FBXO36: variants seen among roughly 807,000 people sequenced by gnomAD.
FBXO36 encodes the protein F-box protein 36, also known as F-box only protein 36.
Under a neutral mutation model 17.0 loss-of-function variants are expected in FBXO36, and 18 were observed. The ratio of observed to expected loss-of-function variants is 1.06; its 90% CI spans 0.73 to 1.57. FBXO36 has a LOEUF of 1.57. FBXO36 is among the 40% of genes most tolerant of loss of function. FBXO36 has a pLI of 0.00. For synonymous variants in FBXO36, 83 were observed against 85.3 expected, an observed-to-expected ratio of 0.97 and a Z score of 0.15; for missense variants, 229 against 221.9, an observed-to-expected ratio of 1.03 and a Z score of -0.20.
chr2:229,973,576 C>G (rs1338417317), intron 1 of FBXO36, among the ~76,000 whole-genome samples: 1 of 151,850 alleles, frequency 6.6e-6, no homozygotes, highest in Non-Finnish European at 1.5e-5. Flanking sequence ...CAAAAATTAG[C>G]CAGGTGCCGT....
intron 2 of FBXO36, among the ~76,000 whole-genome samples, chr2:229,987,627 T>C (rs1321291448): frequency 1.3e-5 from 2 of 152,068 alleles, no homozygotes; most frequent in African/African-American, 2.4e-5. Flanking sequence ...TATTTATTCA[T>C]TTTATTTTAT....
chr2:229,927,349 G>A (rs369797110), intron 1 of FBXO36, among the ~76,000 whole-genome samples: 1 of 152,118 alleles, frequency 6.6e-6, no homozygotes, highest in East Asian at 1.9e-4. Context: ...AATGAGTGCA[G>A]GTGTTTTAAA....
chr2:229,994,266 C>T (rs11688601), intron 2 of FBXO36, among the ~76,000 whole-genome samples: 1 of 152,058 alleles, frequency 6.6e-6, no homozygotes, highest in Non-Finnish European at 1.5e-5. Flanking sequence ...CTCTTTAATG[C>T]TGAGTTTTTG....
intron 1 of FBXO36, among the ~76,000 whole-genome samples, chr2:229,924,187 G>A (rs964221491): frequency 6.6e-6 from 1 of 152,110 alleles, no homozygotes; most frequent in Non-Finnish European, 1.5e-5. Context: ...GCATCTCCTG[G>A]GTTCAAGCGA....
intron 1 of FBXO36, among the ~76,000 whole-genome samples, chr2:229,950,422 T>G (rs2077051539): frequency 8.6e-5 from 13 of 151,902 alleles, no homozygotes; most frequent in Admixed American, 8.5e-4. Flanking sequence ...CAAGACTCCA[T>G]CTCAAAAATA....
At chr2:229,965,203 TC>T (rs1198499379) in intron 1 of FBXO36, among the ~76,000 whole-genome samples, 1 of 147,882 alleles carries the variant, frequency 6.8e-6, no homozygotes, top group Non-Finnish European at 1.5e-5. Context: ...CAGGCTCGTC[TC>T]AAACACCTGG....
chr2:229,987,319 A>AG (rs1024213910), intron 2 of FBXO36, among the ~76,000 whole-genome samples: 62 of 151,414 alleles, frequency 4.1e-4, no homozygotes, highest in African/African-American at 1.4e-3. Flanking sequence ...TTTTGTTGTA[A>AG]TCTGTTCATA....
chr2:229,952,751 G>T (rs2077063710), intron 1 of FBXO36, among the ~76,000 whole-genome samples: 1 of 152,176 alleles, frequency 6.6e-6, no homozygotes, highest in Admixed American at 6.6e-5. Context: ...CACCAGTGGG[G>T]CAGTGTTGCC....
intron 1 of FBXO36, among the ~76,000 whole-genome samples, chr2:229,967,366 T>C (rs2077158824): frequency 6.6e-6 from 1 of 152,242 alleles, no homozygotes; most frequent in Admixed American, 6.5e-5. Context: ...GAATACACTT[T>C]ATTTCTTTCC....
chr2:229,951,599 T>C (rs1363667176), intron 1 of FBXO36, among the ~76,000 whole-genome samples: 2 of 152,222 alleles, frequency 1.3e-5, no homozygotes, highest in Non-Finnish European at 1.5e-5. Flanking sequence ...TGATGCTTAC[T>C]CAGGTAGACT....
chr2:229,938,541 A>G (rs1372005172), intron 1 of FBXO36, among the ~76,000 whole-genome samples: 31 of 138,058 alleles, frequency 2.2e-4, no homozygotes, highest in Middle Eastern at 4.3e-3. Flanking sequence ...CTGGTATGCA[A>G]TGGCGCCATC....
chr2:229,927,853 T>C (rs930747869), intron 1 of FBXO36, among the ~76,000 whole-genome samples: 1 of 151,916 alleles, frequency 6.6e-6, no homozygotes. Flanking sequence ...ACACCTGAGG[T>C]TGCATGCCAG....
At chr2:229,922,967 A>T (rs1178336285) in intron 1 of FBXO36, among the ~76,000 whole-genome samples, 1 of 152,218 alleles carries the variant, frequency 6.6e-6, no homozygotes, top group Non-Finnish European at 1.5e-5. Context: ...GAGGGAAAGA[A>T]CGACTCAGCC....
intron 2 of FBXO36, among the ~76,000 whole-genome samples, chr2:229,990,027 C>A (rs2106205513): frequency 6.6e-6 from 1 of 151,856 alleles, no homozygotes; most frequent in African/African-American, 2.4e-5. Flanking sequence ...AGCAAACTCC[C>A]TGGGTTCAAT....
chr2:229,992,053 A>G (rs546729027), intron 2 of FBXO36, among the ~76,000 whole-genome samples: 2 of 152,090 alleles, frequency 1.3e-5, no homozygotes, highest in South Asian at 4.1e-4. Context: ...CTTTTCTCTT[A>G]TCTTTTACTT....
intron 2 of FBXO36, among the ~76,000 whole-genome samples, chr2:229,989,592 C>T (rs1009933401): frequency 4.0e-5 from 6 of 150,454 alleles, no homozygotes; most frequent in South Asian, 2.1e-4. Context: ...TTCAGAGTCT[C>T]GCTTTCTAGC....
chr2:229,971,991 C>CTTTTT (rs918029152), intron 1 of FBXO36, among the ~76,000 whole-genome samples: 5 of 104,044 alleles, frequency 4.8e-5, no homozygotes, highest in African/African-American at 1.1e-4. Context: ...GTATCCAATT[C>CTTTTT]TTTTTTTTTT....
At chr2:229,937,351 C>T (rs1471841936) in intron 1 of FBXO36, among the ~76,000 whole-genome samples, 2 of 151,758 alleles carry the variant, frequency 1.3e-5, no homozygotes, top group African/African-American at 2.4e-5. Flanking sequence ...AAAAATTAGC[C>T]GAGTGTGGTG....
chr2:229,976,251 G>C lies in FBXO36; in HGVS notation c.107G>C (p.Arg36Thr), dbSNP rs147327260. The C allele has an allele frequency of 5.8e-5, 93 of 1,601,254 alleles. No homozygotes were observed. The highest frequency in any genetic ancestry group is 6.7e-5 in the Non-Finnish European group (79 of 1,175,508). Residue 36 changes from arginine to threonine, a missense_variant, in exon 2 of 4, where the codon AGA becomes ACA. By Grantham distance (71) the Arg-to-Thr change is moderately conservative. Coordinates refer to ENST00000283946, the MANE Select transcript of FBXO36 (RefSeq NM_174899.5). ...LLVTRSQVIF[R>T]WWKISLRSEY... ...TGTATTTAATTATAGGTAATCTTTA[G>C]ATGGTGGAAGATCTCTCTAAGGAGT...
Sources: allele counts gnomAD v4.1 joint callset (sites outside exome capture counted in the v4.1 genomes callset), GRCh38; gene constraint gnomAD v4.1.1; transcripts MANE v1.5; gene names NCBI Gene and HGNC (gene_info 2026-07-23, HGNC 2026-07-21).